UBASH3B: variants seen among roughly 807,000 people sequenced by gnomAD.
The protein encoded by UBASH3B is ubiquitin associated and SH3 domain containing B, also known as ubiquitin-associated and SH3 domain-containing protein B.
A neutral mutation model predicts 83.4 loss-of-function variants in UBASH3B; 37 were observed. That is an observed-to-expected ratio of 0.44 (90% CI 0.34 to 0.58). UBASH3B has a LOEUF of 0.58. UBASH3B is among the 20% of genes least tolerant of loss of function. The pLI is 0.01. For synonymous variants in UBASH3B, 304 were observed against 318.3 expected, an observed-to-expected ratio of 0.96 and a Z score of 0.48; for missense variants, 657 against 827.2, an observed-to-expected ratio of 0.79 and a Z score of 2.52.
chr11:122,726,574 C>T (rs2135948956), intron 1 of UBASH3B, among the ~76,000 whole-genome samples: 1 of 152,256 alleles, frequency 6.6e-6, no homozygotes, highest in East Asian at 1.9e-4. Flanking sequence ...GTCTCGCACT[C>T]CTGACCTCAA....
intron 1 of UBASH3B, among the ~76,000 whole-genome samples, chr11:122,744,455 T>C (rs547862106): frequency 3.2e-4 from 48 of 152,218 alleles, no homozygotes; most frequent in African/African-American, 1.1e-3. Context: ...TGAGTGCCTA[T>C]ATAAGTATAT....
At chr11:122,795,859 A>T (rs1356426276) in intron 7 of UBASH3B, among the ~76,000 whole-genome samples, 1 of 152,194 alleles carries the variant, frequency 6.6e-6, no homozygotes, top group African/African-American at 2.4e-5. Context: ...GCTGTAACTT[A>T]AAGTGGACGT....
intron 11 of UBASH3B, among the ~76,000 whole-genome samples, chr11:122,802,313 G>GAAAA (rs147011358): frequency 1.7e-4 from 11 of 66,174 alleles, no homozygotes; most frequent in Non-Finnish European, 2.2e-4. Flanking sequence ...GACTCTGTCT[G>GAAAA]AAAAAAAAAA....
chr11:122,686,821 A>G (rs1359798012), intron 1 of UBASH3B, among the ~76,000 whole-genome samples: 1 of 151,978 alleles, frequency 6.6e-6, no homozygotes, highest in African/African-American at 2.4e-5. Flanking sequence ...AGACAAATCA[A>G]CCCATCTCTC....
chr11:122,754,819 C>G (rs1375075853), intron 1 of UBASH3B, among the ~76,000 whole-genome samples: 2 of 152,178 alleles, frequency 1.3e-5, no homozygotes, highest in Admixed American at 6.5e-5. Flanking sequence ...TCCACGTAAG[C>G]CCCTTTTCAT....
intron 5 of UBASH3B, among the ~76,000 whole-genome samples, chr11:122,787,988 T>C (rs1860983773): frequency 6.6e-6 from 1 of 152,134 alleles, no homozygotes; most frequent in African/African-American, 2.4e-5. Context: ...TAACAAAAAA[T>C]ACTAAAATAA....
chr11:122,809,318 G>A lies in UBASH3B; in HGVS notation c.1813-431G>A, dbSNP rs188785196. Among the ~76,000 whole-genome samples the A allele has an allele frequency of 2.7e-3, 410 of 152,186 alleles. 3 individuals carry two copies. Among genetic ancestry groups the A allele is most frequent in the South Asian group, 0.022 (107 of 4,824 alleles). ...TCGAACTCTTGACCTCAAGTGACCC[G>A]CCCGCCTCGGCCTCCCAAAGTACTG... On this transcript the variant is annotated intron_variant, in intron 13 of 13. Transcript: ENST00000284273.
intron 1 of UBASH3B, among the ~76,000 whole-genome samples, chr11:122,712,733 A>G (rs1179211569): frequency 6.6e-6 from 1 of 152,018 alleles, no homozygotes; most frequent in Non-Finnish European, 1.5e-5. Flanking sequence ...GCCCTGAAGT[A>G]TATAGAACTC....
At chr11:122,677,576 A>T (rs1258073950) in intron 1 of UBASH3B, among the ~76,000 whole-genome samples, 5 of 152,166 alleles carry the variant, frequency 3.3e-5, no homozygotes, top group Non-Finnish European at 4.4e-5. Context: ...GAGAGATAGT[A>T]TCTTAGTCTT....
intron 1 of UBASH3B, among the ~76,000 whole-genome samples, chr11:122,744,335 G>A (rs7121625): frequency 0.96 from 146,877 of 152,282 alleles, 71,052 homozygotes; most frequent in Middle Eastern, 1. Flanking sequence ...AGGTGTGACT[G>A]TATGAGCATG....
intron 1 of UBASH3B, among the ~76,000 whole-genome samples, chr11:122,710,032 T>TATA (rs1864171164): frequency 6.6e-6 from 1 of 151,548 alleles, no homozygotes; most frequent in African/African-American, 2.4e-5. Context: ...GGCGGGCACC[T>TATA]ATAATCCTAG....
intron 11 of UBASH3B, among the ~76,000 whole-genome samples, chr11:122,803,148 A>G (rs949304454): frequency 1.3e-5 from 2 of 152,214 alleles, no homozygotes; most frequent in Non-Finnish European, 2.9e-5. Flanking sequence ...ATCAGAATTC[A>G]ATTCAACCAT....
At chr11:122,792,645 T>C (rs1168735355) in intron 6 of UBASH3B, among the ~76,000 whole-genome samples, 1 of 152,180 alleles carries the variant, frequency 6.6e-6, no homozygotes, top group Non-Finnish European at 1.5e-5. Context: ...AACTGTGTGA[T>C]GTTTGGGAGG....
At chr11:122,766,976 C>T (rs1485304351) in intron 1 of UBASH3B, among the ~76,000 whole-genome samples, 2 of 152,154 alleles carry the variant, frequency 1.3e-5, no homozygotes, top group Non-Finnish European at 2.9e-5. Context: ...AGAGCCCAGA[C>T]TTCTATTAAT....
intron 1 of UBASH3B, among the ~76,000 whole-genome samples, chr11:122,693,186 T>C (rs963014133): frequency 2.0e-5 from 3 of 152,140 alleles, no homozygotes; most frequent in Non-Finnish European, 2.9e-5. Context: ...GATTACAAAG[T>C]ACATTGATCA....
intron 1 of UBASH3B, among the ~76,000 whole-genome samples, chr11:122,744,975 T>C (rs538335208): frequency 3.8e-4 from 57 of 151,642 alleles, no homozygotes; most frequent in African/African-American, 1.4e-3. Flanking sequence ...GGACTTTCCT[T>C]GCAGGGGACC....
chr11:122,778,613 T>C (rs11218806), intron 3 of UBASH3B, among the ~76,000 whole-genome samples: 44,395 of 145,990 alleles, frequency 0.3, 6,273 homozygotes, highest in Non-Finnish European at 0.37. Context: ...TTTTCTTTTT[T>C]TTTTTTATGG....
chr11:122,750,055 T>C (rs992476884), intron 1 of UBASH3B, among the ~76,000 whole-genome samples: 2 of 152,220 alleles, frequency 1.3e-5, no homozygotes, highest in African/African-American at 4.8e-5. Flanking sequence ...CTTAAACCAC[T>C]TTTATAGATG....
At chr11:122,771,021 C>A (rs1860632848) in intron 1 of UBASH3B, among the ~76,000 whole-genome samples, 1 of 152,198 alleles carries the variant, frequency 6.6e-6, no homozygotes. Context: ...AAGGCCTTTG[C>A]GAGTGATCTC....
Sources: allele counts gnomAD v4.1 joint callset (sites outside exome capture counted in the v4.1 genomes callset), GRCh38; gene constraint gnomAD v4.1.1; transcripts MANE v1.5; gene names NCBI Gene and HGNC (gene_info 2026-07-23, HGNC 2026-07-21).